The following LPO variants were observed in gnomAD, a reference collection of about 807,000 sequenced individuals.
LPO encodes the protein salivary peroxidase.
A neutral mutation model predicts 68.4 loss-of-function variants in LPO; 70 were observed. The ratio of observed to expected loss-of-function variants is 1.02; its 90% CI spans 0.84 to 1.25. LPO has a LOEUF of 1.25. Among genes scored for constraint, LPO ranks in the 50% most tolerant of loss-of-function variants. LPO has a pLI of 0.00. For missense variants in LPO, 873 were observed against 908.4 expected, an observed-to-expected ratio of 0.96 and a Z score of 0.50; for synonymous variants, 360 against 357.6, an observed-to-expected ratio of 1.01 and a Z score of -0.08.
chr17:58,249,735 A>G, intron 6 of LPO, 40 bp downstream of exon 6: 1 of 1,529,684 alleles, frequency 6.5e-7, no homozygotes, highest in African/African-American at 1.4e-5. Context: ...TGGGAGCCAG[A>G]GGGGACGGGA....
chr17:58,250,333 T>C (rs1969934355), intron 6 of LPO, 82 bp from the exon 7 acceptor site: 1 of 1,046,864 alleles, frequency 9.6e-7, no homozygotes, highest in East Asian at 2.4e-5. Flanking sequence ...ACATGGTAGG[T>C]AGTTAATAAG....
chr17:58,239,312 T>A (rs556038958), intron 1 of LPO, among the ~76,000 whole-genome samples: 3 of 151,122 alleles, frequency 2.0e-5, no homozygotes, highest in Non-Finnish European at 4.4e-5. Context: ...AAGTGCCCTG[T>A]GGACACCTGG....
At chr17:58,245,981 C>T (rs950824325) in intron 3 of LPO, among the ~76,000 whole-genome samples, 2 of 152,128 alleles carry the variant, frequency 1.3e-5, no homozygotes, top group Admixed American at 6.5e-5. Flanking sequence ...AGAGACAGAA[C>T]GAGTCACATT....
Position 58,243,057 on chromosome 17 carries a change from T to A in LPO, c.76+2T>A, listed in dbSNP as rs779774804. ...AGGCTGCAGCATCTACCACAAGAGG[T>A]GAGTGTCTCCCTTTACGGGTTTTCT... On this transcript the variant is annotated splice_donor_variant, in intron 2 of 12. Coordinates refer to ENST00000262290, the MANE Select transcript of LPO (RefSeq NM_006151.3). LOFTEE classifies it high-confidence loss of function. 1.2e-6 allele frequency: 2 copies of A among 1,613,754 alleles called. No individual in the cohort carries two copies. Among genetic ancestry groups the A allele is most frequent in the Non-Finnish European group, 1.7e-6 (2 of 1,179,932 alleles).
intron 3 of LPO, 152 bp downstream of exon 3, chr17:58,244,233 C>G: frequency 4.6e-6 from 3 of 651,404 alleles, no homozygotes. Context: ...ATCCTCCTAG[C>G]CCTCCAAGTA....
rs1970311503 is a variant in LPO, at chr17:58,268,167, C to T, written c.*173C>T. ...AGGCCCCAGGGTGGCTGCCTCGGCC[C>T]TCCCAGCTCTTACACTCAGCTCCAG... is the stretch of plus-strand genomic sequence containing the variant. On this transcript the variant is annotated 3_prime_UTR_variant, in exon 13 of 13. Transcript: ENST00000262290. 1 of 630,546 alleles carries T rather than the reference C, an allele frequency of 1.6e-6. No homozygotes were observed. Among genetic ancestry groups the T allele is most frequent in the African/African-American group, 1.8e-5 (1 of 54,482 alleles). 39.1% of individuals were successfully genotyped at this position (630,546 alleles called of 1,614,324 possible).
At position 58,268,045 on chromosome 17, in the gene LPO, G is replaced by A; in HGVS notation, c.*51G>A. The A allele has an allele frequency of 6.3e-7, 1 of 1,582,232 alleles. No homozygotes were observed. Among genetic ancestry groups the A allele is most frequent in the South Asian group, 1.1e-5 (1 of 90,176 alleles). ...CCTTTGGTCCACAGGGCCATTTCAA[G>A]CAAGTTCAATGACCTGGTCCCTTAG... On this transcript the variant is annotated 3_prime_UTR_variant, in exon 13 of 13. Transcript: ENST00000262290.
chr17:58,266,848 C>T (rs1970277370), intron 11 of LPO, among the ~76,000 whole-genome samples: 1 of 152,184 alleles, frequency 6.6e-6, no homozygotes, highest in South Asian at 2.1e-4. Context: ...CTGGTACTAT[C>T]TTGGCATTCC....
rs575763985 is a variant in LPO, at chr17:58,266,600, A to G, written c.1693+274A>G. 2.9e-3 allele frequency among the ~76,000 whole-genome samples: 438 copies of G among 152,134 alleles called. 3 individuals carry two copies. The highest frequency in any genetic ancestry group is 4.8e-3 in the Non-Finnish European group (328 of 67,962). ...TTAAGCCTACCAAGTAGGTGGGACT[A>G]CAGGTGTGCCACATGCCCAGCTTAT... On this transcript the variant is annotated intron_variant, in intron 11 of 12. Transcript: ENST00000262290.
Position 58,267,956 on chromosome 17 carries a change from A to C in LPO, c.2101A>C (p.Lys701Gln). 6.2e-7 allele frequency: 1 copy of C among 1,614,026 alleles called. No homozygotes were observed. Among genetic ancestry groups the C allele is most frequent in the South Asian group, 1.1e-5 (1 of 91,070 alleles). Residue 701 changes from lysine to glutamine, a missense_variant, in exon 13 of 13, where the codon AAG becomes CAG. Physicochemically the swap from Lys to Gln is moderately conservative, Grantham distance 53. Coordinates refer to ENST00000262290, the MANE Select transcript of LPO (RefSeq NM_006151.3). ...YDFVDCSAID[K>Q]LDLSPWASVK... is the part of the protein sequence containing the mutation. ...CTTCGTGGATTGCTCAGCCATCGAC[A>C]AGCTGGACCTGTCACCCTGGGCCTC...
intron 8 of LPO, among the ~76,000 whole-genome samples, chr17:58,254,156 G>GATATATAGATATATAGATATATAGATAT (rs535794728): frequency 1.3e-5 from 2 of 148,524 alleles, no homozygotes; most frequent in African/African-American, 4.9e-5. Flanking sequence ...TAGATATATA[G>GATATATAGATATATAGATATATAGATAT]ATAGATAGAT....
chr17:58,242,359 A>T (rs1199087095), intron 1 of LPO, among the ~76,000 whole-genome samples: 1 of 152,208 alleles, frequency 6.6e-6, no homozygotes, highest in Non-Finnish European at 1.5e-5. Context: ...ACTTTCTTTC[A>T]GTATTGCCAT....
chr17:58,250,609 C>A lies in LPO; in HGVS notation c.768C>A (p.Cys256Ter), dbSNP rs1969941547. Residue 256 changes from cysteine to a stop codon, truncating the protein, a stop_gained, in exon 7 of 13, where the codon TGC (cysteine) becomes TGA (stop). Transcript: ENST00000262290. LOFTEE classifies it high-confidence loss of function. Reference protein sequence around the residue: ...CDEYCIQGDNCFPIMFPPNDP... With the variant: ...CDEYCIQGDN ...AGTACTGTATCCAGGGAGACAACTGCTTCCCCATCATGGTACGGCCCTGCA... is the reference window on the plus strand; with the variant it reads ...AGTACTGTATCCAGGGAGACAACTGATTCCCCATCATGGTACGGCCCTGCA... 2 of 1,613,964 alleles carry A rather than the reference C, an allele frequency of 1.2e-6. No individual in the cohort carries two copies. The highest frequency in any genetic ancestry group is 8.5e-7 in the Non-Finnish European group (1 of 1,180,022).
Position 58,255,062 on chromosome 17 carries a change from C to A in LPO, c.1266+91C>A, listed in dbSNP as rs1567820397. 8 of 1,378,020 alleles carry A rather than the reference C, an allele frequency of 5.8e-6. No individual in the cohort carries two copies. In the East Asian group the frequency reaches 1.9e-4, roughly 32 times the overall value. The allele number at this position is 1,378,020 out of a possible 1,614,324, so 85.4% of individuals were successfully genotyped here. On this transcript the variant is annotated intron_variant, in intron 9 of 12. Coordinates refer to ENST00000262290, the MANE Select transcript of LPO (RefSeq NM_006151.3). ...CTGGCTGCTGTGCCTCAGGCTCTCT[C>A]CTCTGTTCCCACACCTCCGTTTCCC... is the stretch of plus-strand genomic sequence containing the variant.
At chr17:58,257,886 A>G (rs1260170423) in intron 9 of LPO, among the ~76,000 whole-genome samples, 2 of 152,218 alleles carry the variant, frequency 1.3e-5, no homozygotes, top group African/African-American at 2.4e-5. Context: ...CTGATGATCA[A>G]TGATGTTGAG....
At chr17:58,267,069 A>G (rs1238652613) in intron 11 of LPO, among the ~76,000 whole-genome samples, 4 of 152,222 alleles carry the variant, frequency 2.6e-5, no homozygotes, top group African/African-American at 4.8e-5. Flanking sequence ...TAACATTTCT[A>G]TTCTTCATTT....
intron 9 of LPO, among the ~76,000 whole-genome samples, chr17:58,258,703 T>G (rs8178366): frequency 1.4e-4 from 22 of 152,256 alleles, no homozygotes; most frequent in African/African-American, 5.3e-4. Context: ...CTATCAGCAA[T>G]GTATGCATGA....
At position 58,244,015 on chromosome 17, in the gene LPO, C is replaced by T. The variant is rs1359848998; in HGVS notation, c.98C>T (p.Ala33Val). 7 of 1,613,464 alleles carry T rather than the reference C, an allele frequency of 4.3e-6. No homozygotes were observed. Among genetic ancestry groups the T allele is most frequent in the Non-Finnish European group, 5.9e-6 (7 of 1,179,850 alleles). Residue 33 changes from alanine to valine, a missense_variant, in exon 3 of 13, where the codon GCC becomes GTC. Coordinates refer to ENST00000262290, the MANE Select transcript of LPO (RefSeq NM_006151.3). Reference protein sequence around the residue: ...TTRAQTTRTSAISDTVSQAKV... With the variant: ...TTRAQTTRTSVISDTVSQAKV... Reference sequence around the variant, plus strand: ...CAAGCGCAGACTACCAGAACCTCTGCCATCTCCGATACTGTGAGTCAGGCC... The same window carrying T: ...CAAGCGCAGACTACCAGAACCTCTGTCATCTCCGATACTGTGAGTCAGGCC...
chr17:58,267,725 G>A (rs1436426185), intron 12 of LPO, 62 bp from the exon 13 acceptor site: 2 of 1,525,640 alleles, frequency 1.3e-6, no homozygotes, highest in East Asian at 2.3e-5. Context: ...TCCTTCCCCT[G>A]TGACAGAGTG....
Sources: gnomAD v4.1 joint callset for allele counts (sites outside exome capture counted in the v4.1 genomes callset) on GRCh38, gnomAD v4.1.1 for gene constraint, MANE v1.5 for transcripts, NCBI Gene and HGNC (gene_info 2026-07-23, HGNC 2026-07-21) for gene names.